Variants in THADA observed in about 807,000 individuals in gnomAD.
THADA encodes the protein tRNA (32-2'-O)-methyltransferase regulator THADA.
Under a neutral mutation model 219.8 loss-of-function variants are expected in THADA, and 213 were observed. That is an observed-to-expected ratio of 0.97 (90% CI 0.87 to 1.09). The LOEUF (loss-of-function observed/expected upper bound fraction) is 1.09, where lower values mean the gene tolerates loss of function less well. Ranked by LOEUF, THADA falls within the 50% of genes least tolerant of loss-of-function variation. THADA has a pLI of 0.00. For missense variants in THADA, 2,956 were observed against 2,311.3 expected, an observed-to-expected ratio of 1.28 and a Z score of -5.72; for synonymous variants, 1,018 against 828.9, an observed-to-expected ratio of 1.23 and a Z score of -3.92.
intron 21 of THADA, among the ~76,000 whole-genome samples, chr2:43,535,603 G>C (rs1386149503): frequency 1.4e-4 from 19 of 136,300 alleles, no homozygotes; most frequent in Admixed American, 1.4e-3. Context: ...ATCGTTTGAA[G>C]CCAGGAGGCA....
intron 36 of THADA, among the ~76,000 whole-genome samples, chr2:43,276,746 GA>G (rs1672767854): frequency 6.6e-6 from 1 of 152,122 alleles, no homozygotes; most frequent in Non-Finnish European, 1.5e-5. Context: ...AAGACCTAAG[GA>G]AAACTTTGTC....
At chr2:43,327,332 G>A (rs1042816562) in intron 30 of THADA, among the ~76,000 whole-genome samples, 2 of 152,074 alleles carry the variant, frequency 1.3e-5, no homozygotes, top group African/African-American at 4.8e-5. Flanking sequence ...CATGGAGCCA[G>A]CACTGGAGTT....
intron 26 of THADA, among the ~76,000 whole-genome samples, chr2:43,478,610 G>A (rs1374249108): frequency 2.0e-5 from 3 of 152,210 alleles, no homozygotes; most frequent in Non-Finnish European, 4.4e-5. Context: ...GATGCAGAAA[G>A]AGGATACATG....
At chr2:43,297,504 G>GGGA in intron 31 of THADA, among the ~76,000 whole-genome samples, 1 of 115,770 alleles carries the variant, frequency 8.6e-6, no homozygotes. Flanking sequence ...GAGGTGGGCG[G>GGGA]TCAGCCCCCC....
chr2:43,332,869 G>C (rs1168680353), intron 30 of THADA, among the ~76,000 whole-genome samples: 2 of 152,214 alleles, frequency 1.3e-5, no homozygotes, highest in African/African-American at 2.4e-5. Flanking sequence ...AGCATCAGCA[G>C]TTGGGGGTTG....
In THADA at chr2:43,574,929, G is replaced by A. The variant is rs566504845; in HGVS notation, c.1136C>T (p.Thr379Met). ...ACTTGAATTCCCATTCAGGCTGTCC[G>A]TTAGGCTCGGGGAACTTGATTCAAG... Reference protein sequence around the residue: ...QVLESSSPSLTDSLNGNSSIV... With the variant: ...QVLESSSPSLMDSLNGNSSIV... Residue 379 changes from threonine (T) to methionine (M), a missense_variant, in exon 11 of 38, where the codon ACG becomes ATG. Physicochemically the swap from Thr to Met is moderately conservative, Grantham distance 81. Coordinates refer to ENST00000405975, the MANE Select transcript of THADA (RefSeq NM_022065.5). 55 of 1,613,982 alleles carry A rather than the reference G, an allele frequency of 3.4e-5. No individual in the cohort carries two copies. Among genetic ancestry groups the A allele is most frequent in the Admixed American group, 6.7e-5 (4 of 60,020 alleles).
intron 12 of THADA, among the ~76,000 whole-genome samples, chr2:43,572,463 T>C (rs1270318527): frequency 2.0e-5 from 3 of 152,306 alleles, no homozygotes; most frequent in East Asian, 1.9e-4. Context: ...TCTTTTCTAA[T>C]CATATCTATC....
At chr2:43,366,035 T>C (rs1416190607) in intron 29 of THADA, among the ~76,000 whole-genome samples, 3 of 152,134 alleles carry the variant, frequency 2.0e-5, no homozygotes, top group Non-Finnish European at 4.4e-5. Context: ...GACCCTTGAA[T>C]TATGTTGAGC....
intron 9 of THADA, among the ~76,000 whole-genome samples, 189 bp from the exon 10 acceptor site, chr2:43,577,431 G>A (rs72867061): frequency 0.073 from 11,100 of 151,810 alleles, 481 homozygotes; most frequent in Middle Eastern, 0.09. Context: ...CATCAAGTAC[G>A]AGAATGATTT....
At chr2:43,238,216 A>T (rs1358268797) in intron 36 of THADA, among the ~76,000 whole-genome samples, 2 of 151,292 alleles carry the variant, frequency 1.3e-5, no homozygotes, top group Admixed American at 6.6e-5. Context: ...GGGCTTTGTC[A>T]AAATGGAAAA....
intron 28 of THADA, among the ~76,000 whole-genome samples, chr2:43,398,403 G>C (rs1326056480): frequency 6.6e-6 from 1 of 152,122 alleles, no homozygotes; most frequent in Non-Finnish European, 1.5e-5. Flanking sequence ...TAAACAGGTA[G>C]TAGCAAAAAA....
chr2:43,429,061 G>C (rs1406861399), intron 27 of THADA, among the ~76,000 whole-genome samples: 2 of 151,932 alleles, frequency 1.3e-5, no homozygotes, highest in Non-Finnish European at 2.9e-5. Flanking sequence ...CATGCTTTAT[G>C]ATGTCCATAC....
chr2:43,254,208 A>C (rs1163323230), intron 36 of THADA, among the ~76,000 whole-genome samples: 1 of 152,100 alleles, frequency 6.6e-6, no homozygotes, highest in Non-Finnish European at 1.5e-5. Context: ...CTGACACAGG[A>C]CTTGGACTTG....
intron 25 of THADA, 33 bp downstream of exon 25, chr2:43,498,800 A>G: frequency 6.2e-7 from 1 of 1,603,114 alleles, no homozygotes; most frequent in South Asian, 1.1e-5. Context: ...AAGCATAATT[A>G]AATCAATGAA....
At chr2:43,310,949 G>A (rs182144072) in intron 31 of THADA, among the ~76,000 whole-genome samples, 48 of 152,342 alleles carry the variant, frequency 3.2e-4, no homozygotes, top group Non-Finnish European at 5.7e-4. Flanking sequence ...GGCTGAGGCA[G>A]GCAGATCACC....
chr2:43,311,666 T>C (rs1573017669), intron 31 of THADA, among the ~76,000 whole-genome samples: 4 of 152,220 alleles, frequency 2.6e-5, no homozygotes, highest in African/African-American at 9.6e-5. Flanking sequence ...ATCTATATAC[T>C]GGAATATTAT....
chr2:43,431,649 T>TCACCGTG (rs1558750565), intron 26 of THADA, among the ~76,000 whole-genome samples: 98 of 35,840 alleles, frequency 2.7e-3, no homozygotes, highest in African/African-American at 5.5e-3. Flanking sequence ...GTACTTTTTT[T>TCACCGTG]TTTTTTTTTT....
chr2:43,388,022 C>T (rs1367252040), intron 29 of THADA, among the ~76,000 whole-genome samples: 1 of 152,136 alleles, frequency 6.6e-6, no homozygotes, highest in Non-Finnish European at 1.5e-5. Context: ...CAGCTGTGTC[C>T]TTAGTAACTC....
At chr2:43,307,498 T>G (rs1339875685) in intron 31 of THADA, among the ~76,000 whole-genome samples, 1 of 152,260 alleles carries the variant, frequency 6.6e-6, no homozygotes, top group Non-Finnish European at 1.5e-5. Context: ...GGACAATTCC[T>G]GGAACTCATG....
Sources: allele counts gnomAD v4.1 joint callset (sites outside exome capture counted in the v4.1 genomes callset), GRCh38; gene constraint gnomAD v4.1.1; transcripts MANE v1.5; gene names NCBI Gene and HGNC (gene_info 2026-07-23, HGNC 2026-07-21).